Variants in ACVR2A observed in about 807,000 individuals in gnomAD.
The protein encoded by ACVR2A is activin receptor type-2A.
ACVR2A carries 7 observed loss-of-function variants against 61.4 expected under a neutral mutation model. The ratio of observed to expected loss-of-function variants is 0.11; its 90% confidence interval spans 0.06 to 0.21. The LOEUF (loss-of-function observed/expected upper bound fraction) is 0.21. Among genes scored for constraint, ACVR2A ranks in the 10% least tolerant of loss-of-function variants. The pLI is 1.00. For missense variants in ACVR2A, 322 were observed against 621.7 expected (o/e 0.52, Z 5.13); for synonymous variants, 193 against 208.3 (o/e 0.93, Z 0.63).
At chr2:147,921,452 T>C (rs1412991155) in intron 8 of ACVR2A, among the ~76,000 whole-genome samples, 1 of 152,196 alleles carries the variant, frequency 6.6e-6, no homozygotes. Context: ...ATGTAAATTA[T>C]TTGGCCAACT....
intron 1 of ACVR2A, among the ~76,000 whole-genome samples, chr2:147,852,695 T>C (rs1174252806): frequency 6.6e-6 from 1 of 151,868 alleles, no homozygotes; most frequent in African/African-American, 2.4e-5. Context: ...TTTTGGGGAG[T>C]TGGGATTTTT....
intron 1 of ACVR2A, among the ~76,000 whole-genome samples, chr2:147,879,788 G>T (rs1686251634): frequency 6.6e-6 from 1 of 152,168 alleles, no homozygotes; most frequent in Admixed American, 6.6e-5. Flanking sequence ...TGTGAATGAA[G>T]AACTGATTAG....
chr2:147,904,277 G>T (rs147029302), intron 4 of ACVR2A, among the ~76,000 whole-genome samples: 1 of 152,048 alleles, frequency 6.6e-6, no homozygotes, highest in East Asian at 1.9e-4. Context: ...GGAATTGATG[G>T]ACTCTATTAT....
intron 1 of ACVR2A, among the ~76,000 whole-genome samples, chr2:147,854,375 T>C (rs1205245286): frequency 6.6e-6 from 1 of 152,218 alleles, no homozygotes; most frequent in Non-Finnish European, 1.5e-5. Flanking sequence ...TTTTTAAGTG[T>C]TTTAAAACTT....
At chr2:147,906,793 G>C (rs950234110) in intron 4 of ACVR2A, among the ~76,000 whole-genome samples, 90 of 150,524 alleles carry the variant, frequency 6.0e-4, no homozygotes, top group African/African-American at 1.7e-3. Flanking sequence ...TAGTACCATG[G>C]GGTTCTGTCC....
At chr2:147,845,348 G>GTC in intron 1 of ACVR2A, 141 bp downstream of exon 1, 1 of 271,698 alleles carries the variant, frequency 3.7e-6, no homozygotes, top group Non-Finnish European at 5.9e-6. Context: ...GGCTGCCACC[G>GTC]CCCCCCCCCC....
Position 147,930,300 on chromosome 2 carries a change from A to G in ACVR2A, c.*3026A>G, listed in dbSNP as rs1217893448. 3 of 152,178 alleles carry G rather than the reference A, an allele frequency of 2.0e-5. No individual in the cohort carries two copies. Among genetic ancestry groups the G allele is most frequent in the Non-Finnish European group, 4.4e-5 (3 of 67,958 alleles). The allele number at this position is 152,178 out of a possible 1,614,324, so 9.4% of individuals were successfully genotyped here. A position where few individuals can be genotyped will look rare whatever the true frequency, so the allele number is the denominator to read the frequency against. ...AAGTAAAATGCAGGTGGTAGGGGAAAAAAAACCATGGCGAGATGGTGGTTT... is the reference window on the plus strand; with the variant it reads ...AAGTAAAATGCAGGTGGTAGGGGAAGAAAAACCATGGCGAGATGGTGGTTT... On this transcript the variant is annotated 3_prime_UTR_variant, in exon 11 of 11. Transcript: ENST00000241416.
intron 4 of ACVR2A, among the ~76,000 whole-genome samples, chr2:147,910,351 A>C (rs771649872): frequency 1.3e-5 from 2 of 152,122 alleles, no homozygotes; most frequent in African/African-American, 2.4e-5. Context: ...ACAAGATCTG[A>C]GAGATCCTTG....
chr2:147,860,032 C>A lies in ACVR2A; in HGVS notation c.55+14825C>A, dbSNP rs538628910. On this transcript the variant is annotated intron_variant, in intron 1 of 10. Coordinates refer to ENST00000241416, the MANE Select transcript of ACVR2A (RefSeq NM_001616.5). ...CTGATTTCTTGAGACAAAGCATTGG[C>A]TTTAGTGATAGGACAGGGCCACTGA... 3.3e-5 allele frequency among the ~76,000 whole-genome samples: 5 copies of A among 152,226 alleles called. No homozygotes were observed. The East Asian group carries it at 9.7e-4, about 29-fold the overall frequency.
intron 5 of ACVR2A, among the ~76,000 whole-genome samples, chr2:147,916,050 T>G (rs568557572): frequency 1.1e-4 from 17 of 152,012 alleles, no homozygotes; most frequent in African/African-American, 4.1e-4. Context: ...ACCACCATAC[T>G]TAGAGAGTGG....
intron 1 of ACVR2A, among the ~76,000 whole-genome samples, chr2:147,865,418 T>C (rs1685828949): frequency 6.6e-6 from 1 of 152,222 alleles, no homozygotes; most frequent in Non-Finnish European, 1.5e-5. Flanking sequence ...TATTTGATTA[T>C]GAATTGACTT....
intron 4 of ACVR2A, among the ~76,000 whole-genome samples, chr2:147,901,922 G>A (rs1368672646): frequency 3.3e-5 from 5 of 151,890 alleles, no homozygotes; most frequent in African/African-American, 1.2e-4. Context: ...AGACCACTTC[G>A]TGGCCATCAT....
In ACVR2A at chr2:147,927,277, G is replaced by GT. The variant is rs770324693; in HGVS notation, c.*5dup. 916 of 1,608,944 alleles carry GT rather than the reference G, an allele frequency of 5.7e-4. No homozygotes were observed. Among genetic ancestry groups the GT allele is most frequent in the Middle Eastern group, 2.0e-3 (12 of 6,036 alleles). ...CTCCCAAAGAATCTAGTCTATGATG[G>GT]TTGCGCCATCTGTGCACACTAAGAA... is the stretch of plus-strand genomic sequence containing the variant. On this transcript the variant is annotated 3_prime_UTR_variant, in exon 11 of 11. Coordinates refer to ENST00000241416, the MANE Select transcript of ACVR2A (RefSeq NM_001616.5).
chr2:147,922,920 TTAG>T, intron 8 of ACVR2A, 50 bp from the exon 9 acceptor site: 1 of 1,571,458 alleles, frequency 6.4e-7, no homozygotes, highest in Non-Finnish European at 8.6e-7. Flanking sequence ...AAATCATATG[TTAG>T]TTCATAAAGT....
At position 147,918,515 on chromosome 2, in the gene ACVR2A, C is replaced by T; in HGVS notation, c.885C>T (p.Thr295=). The change falls in exon 7 of 11, where the codon ACC becomes ACT. Residue 295 remains threonine, a synonymous_variant. Transcript: ENST00000241416. ...SWNELCHIAE[T]MARGLAYLHE... ...ATGAACTGTGTCATATTGCAGAAAC[C>T]ATGGCTAGAGGATTGGCATATTTAC... 6.2e-7 allele frequency: 1 copy of T among 1,612,502 alleles called. No homozygotes were observed. The highest frequency in any genetic ancestry group is 2.2e-5 in the East Asian group (1 of 44,760).
chr2:147,878,753 T>C (rs1284219568), intron 1 of ACVR2A, among the ~76,000 whole-genome samples: 1 of 151,522 alleles, frequency 6.6e-6, no homozygotes, highest in Admixed American at 6.6e-5. Flanking sequence ...TACAAAAAAA[T>C]ACAAAAAAAA....
At chr2:147,914,577 G>A (rs1687204587) in intron 4 of ACVR2A, among the ~76,000 whole-genome samples, 1 of 151,822 alleles carries the variant, frequency 6.6e-6, no homozygotes, top group African/African-American at 2.4e-5. Flanking sequence ...CAGATCAAAG[G>A]GATGAATTGT....
At chr2:147,908,290 T>C (rs1359734328) in intron 4 of ACVR2A, among the ~76,000 whole-genome samples, 1 of 152,186 alleles carries the variant, frequency 6.6e-6, no homozygotes. Context: ...CTGATTCTTT[T>C]AAGCATCAAC....
At chr2:147,926,790 T>C (rs1021462563) in intron 10 of ACVR2A, among the ~76,000 whole-genome samples, 1 of 151,874 alleles carries the variant, frequency 6.6e-6, no homozygotes, top group Non-Finnish European at 1.5e-5. Context: ...TATCCTTGAT[T>C]TTTGAGTCCA....
Sources: gnomAD v4.1 joint callset for allele counts (sites outside exome capture counted in the v4.1 genomes callset) on GRCh38, gnomAD v4.1.1 for gene constraint, MANE v1.5 for transcripts, NCBI Gene and HGNC (gene_info 2026-07-23, HGNC 2026-07-21) for gene names.